The following CSMD2 variants were observed in gnomAD, a reference collection of about 807,000 sequenced individuals.
CSMD2 encodes CUB and sushi domain-containing protein 2.
A neutral mutation model predicts 398.5 loss-of-function variants in CSMD2; 130 were observed. That is an observed-to-expected ratio of 0.33 (90% CI 0.28 to 0.38). The LOEUF is 0.38. CSMD2 is among the 10% of genes least tolerant of loss of function. The probability of loss-of-function intolerance (pLI) is 1.00; values close to 1 mark genes in which losing one functional copy is unlikely to be tolerated. For synonymous variants in CSMD2, 1,828 were observed against 1,908.5 expected (o/e 0.96, Z 1.10); for missense variants, 3,829 against 4,764.9 (o/e 0.80, Z 5.78).
chr1:33,728,119 C>T lies in CSMD2; in HGVS notation c.2369-1434G>A, dbSNP rs981414609. 1.1e-4 allele frequency among the ~76,000 whole-genome samples: 17 copies of T among 152,130 alleles called. 1 individual carries two copies. The highest frequency in any genetic ancestry group is 3.1e-4 in the African/African-American group (13 of 41,438). Reference sequence around the variant, plus strand: ...TTGGATTCAGACCTAGGCAAGACAGCGTAAATCCAGAGATTTTAAGCTAAG... The same window carrying T: ...TTGGATTCAGACCTAGGCAAGACAGTGTAAATCCAGAGATTTTAAGCTAAG... On this transcript the variant is annotated intron_variant, in intron 15 of 70. Coordinates refer to ENST00000373381, the MANE Select transcript of CSMD2 (RefSeq NM_001281956.2).
intron 5 of CSMD2, among the ~76,000 whole-genome samples, chr1:33,905,429 G>A (rs1643029696): frequency 6.6e-6 from 1 of 152,226 alleles, no homozygotes. Flanking sequence ...TCAGTGTCAT[G>A]TGTTGCCAAG....
chr1:33,819,849 A>T lies in CSMD2; in HGVS notation c.1200-12T>A. 6.2e-7 allele frequency: 1 copy of T among 1,613,806 alleles called. No individual in the cohort carries two copies. The highest frequency in any genetic ancestry group is 1.1e-5 in the South Asian group (1 of 91,042). On this transcript the variant is annotated splice_polypyrimidine_tract_variant and intron_variant, in intron 8 of 70. Coordinates refer to ENST00000373381, the MANE Select transcript of CSMD2 (RefSeq NM_001281956.2). ...CGCTGGATCCTAACCTGGGAGACAAAGTGTGTCTGTGAGCTCCATCCCTGG... is the reference window on the plus strand; with the variant it reads ...CGCTGGATCCTAACCTGGGAGACAATGTGTGTCTGTGAGCTCCATCCCTGG...
intron 12 of CSMD2, among the ~76,000 whole-genome samples, chr1:33,784,190 A>AG (rs139306166): frequency 0.016 from 2,504 of 152,324 alleles, 33 homozygotes; most frequent in Middle Eastern, 0.031. Context: ...CTAGAATAAG[A>AG]GGACTGAAGG....
intron 5 of CSMD2, among the ~76,000 whole-genome samples, chr1:33,883,959 G>C (rs4653356): frequency 0.1 from 15,252 of 152,172 alleles, 1,008 homozygotes; most frequent in East Asian, 0.23. Flanking sequence ...TCATGGGCCA[G>C]TGCAACAGAC....
At chr1:33,976,172 AG>A (rs1452771571) in intron 3 of CSMD2, among the ~76,000 whole-genome samples, 1 of 152,210 alleles carries the variant, frequency 6.6e-6, no homozygotes, top group Non-Finnish European at 1.5e-5. Flanking sequence ...GGATGGCTGC[AG>A]GTCTCCATTG....
At chr1:33,521,985 C>T (rs1654346837) in intron 67 of CSMD2, among the ~76,000 whole-genome samples, 2 of 152,218 alleles carry the variant, frequency 1.3e-5, no homozygotes, top group South Asian at 4.1e-4. Flanking sequence ...ATGGAACACA[C>T]AGAACCATGC....
intron 2 of CSMD2, among the ~76,000 whole-genome samples, chr1:34,060,508 G>A (rs768931412): frequency 3.9e-5 from 6 of 152,124 alleles, no homozygotes; most frequent in Non-Finnish European, 8.8e-5. Flanking sequence ...GCGGCAGCCT[G>A]GGGGGAGCTC....
At chr1:33,868,790 A>G (rs1640229201) in intron 5 of CSMD2, among the ~76,000 whole-genome samples, 1 of 152,146 alleles carries the variant, frequency 6.6e-6, no homozygotes, top group Non-Finnish European at 1.5e-5. Flanking sequence ...TCAGTTTTTG[A>G]TAGGGTAAAG....
At chr1:33,894,242 G>A (rs1642231904) in intron 5 of CSMD2, among the ~76,000 whole-genome samples, 1 of 152,124 alleles carries the variant, frequency 6.6e-6, no homozygotes, top group Non-Finnish European at 1.5e-5. Flanking sequence ...AGCTCTGTCA[G>A]TAACACTGCC....
At chr1:33,948,548 C>G (rs899538806) in intron 3 of CSMD2, among the ~76,000 whole-genome samples, 1 of 152,232 alleles carries the variant, frequency 6.6e-6, no homozygotes, top group Non-Finnish European at 1.5e-5. Context: ...CATTCACACA[C>G]ATGACAATGG....
At chr1:33,779,287 T>C (rs1291608415) in intron 12 of CSMD2, among the ~76,000 whole-genome samples, 1 of 152,134 alleles carries the variant, frequency 6.6e-6, no homozygotes, top group African/African-American at 2.4e-5. Flanking sequence ...AATAGTGCAG[T>C]GGCAAGAGCT....
At chr1:33,745,180 A>G (rs1282992546) in intron 13 of CSMD2, among the ~76,000 whole-genome samples, 3 of 152,242 alleles carry the variant, frequency 2.0e-5, no homozygotes, top group African/African-American at 7.2e-5. Context: ...GCAGTAGATC[A>G]TAAAATTATA....
chr1:33,610,600 G>A (rs4652950), intron 41 of CSMD2, among the ~76,000 whole-genome samples: 1,707 of 152,292 alleles, frequency 0.011, 118 homozygotes, highest in Admixed American at 0.1. Flanking sequence ...AGGCTTAGAG[G>A]TGCCCTTGGG....
chr1:33,619,247 G>GCATGGCCCAGAGAATGTGGGA (rs1212381767), intron 37 of CSMD2, among the ~76,000 whole-genome samples: 3 of 152,252 alleles, frequency 2.0e-5, no homozygotes, highest in Non-Finnish European at 4.4e-5. Flanking sequence ...TATCTGGGTG[G>GCATGGCCCAGAGAATGTGGGA]CATGGCCCAG....
At chr1:34,047,513 CCTT>C (rs576000900) in intron 2 of CSMD2, among the ~76,000 whole-genome samples, 1 of 152,292 alleles carries the variant, frequency 6.6e-6, no homozygotes, top group Non-Finnish European at 1.5e-5. Context: ...TTTGATCACT[CCTT>C]ATTTATTACG....
intron 5 of CSMD2, chr1:33,862,967 C>T (rs1162268880): frequency 6.6e-6 from 1 of 152,214 alleles, no homozygotes; most frequent in African/African-American, 2.4e-5. Context: ...GCTGCTGAGA[C>T]CACATATCTG....
intron 3 of CSMD2, among the ~76,000 whole-genome samples, chr1:34,028,222 G>T (rs1209471977): frequency 1.3e-5 from 2 of 152,114 alleles, no homozygotes; most frequent in Non-Finnish European, 2.9e-5. Context: ...TTCAGGGGCT[G>T]AGGCAGGAGG....
intron 1 of CSMD2, among the ~76,000 whole-genome samples, chr1:34,111,042 A>G (rs1390001746): frequency 6.6e-6 from 1 of 152,196 alleles, no homozygotes; most frequent in Non-Finnish European, 1.5e-5. Context: ...ATTTACTTAT[A>G]TATTGTACTT....
chr1:34,089,446 G>A (rs1015849452), intron 1 of CSMD2, among the ~76,000 whole-genome samples: 1 of 152,126 alleles, frequency 6.6e-6, no homozygotes, highest in African/African-American at 2.4e-5. Context: ...CTATGCAGTA[G>A]AAAATTAAGG....
Sources: gnomAD v4.1 joint callset for allele counts (sites outside exome capture counted in the v4.1 genomes callset) on GRCh38, gnomAD v4.1.1 for gene constraint, MANE v1.5 for transcripts, NCBI Gene and HGNC (gene_info 2026-07-23, HGNC 2026-07-21) for gene names.